The following CPAMD8 variants were observed in gnomAD, a reference collection of about 807,000 sequenced individuals.
The protein encoded by CPAMD8 is C3 and PZP like alpha-2-macroglobulin domain containing 8, also known as C3 and PZP-like alpha-2-macroglobulin domain-containing protein 8.
CPAMD8 carries 146 observed loss-of-function variants against 224.7 expected under a neutral mutation model. That is an observed-to-expected ratio of 0.65 (90% CI 0.57 to 0.75). CPAMD8 has a LOEUF of 0.75. CPAMD8 is among the 30% of genes least tolerant of loss of function. The probability of loss-of-function intolerance (pLI) is 0.00; values close to 1 mark genes in which losing one functional copy is unlikely to be tolerated. For synonymous variants in CPAMD8, 966 were observed against 1,044.6 expected (o/e 0.92, Z 1.45); for missense variants, 2,301 against 2,537.5 (o/e 0.91, Z 2.00).
At chr19:16,978,496 G>A (rs966486317) in intron 14 of CPAMD8, among the ~76,000 whole-genome samples, 2 of 152,182 alleles carry the variant, frequency 1.3e-5, no homozygotes, top group East Asian at 3.9e-4. Context: ...GGGTGAAGGT[G>A]CACCATGCCC....
rs566148878 is a variant in CPAMD8 at position 16,919,878 on chromosome 19, G to T, written c.3629+2027C>A. ...GCCTTATGGTAAGTAGTTAGGGGAG[G>T]TGCTAACAGGACGGCACTGCACTGA... On this transcript the variant is annotated intron_variant, in intron 27 of 41. Transcript: ENST00000443236. Among the ~76,000 whole-genome samples, 51 of 152,320 alleles carry T rather than the reference G, an allele frequency of 3.3e-4. 1 individual carries two copies. The highest frequency in any genetic ancestry group is 1.1e-3 in the African/African-American group (47 of 41,572).
At chr19:16,936,772 TA>T (rs2053697515) in intron 23 of CPAMD8, among the ~76,000 whole-genome samples, 2 of 152,220 alleles carry the variant, frequency 1.3e-5, no homozygotes, top group Admixed American at 1.3e-4. Flanking sequence ...TTATATATTC[TA>T]AAAACCAGTA....
At chr19:16,944,389 C>T (rs560425714) in intron 22 of CPAMD8, among the ~76,000 whole-genome samples, 6 of 152,308 alleles carry the variant, frequency 3.9e-5, no homozygotes, top group African/African-American at 1.2e-4. Flanking sequence ...GACAGTTCTG[C>T]GGCATGGATG....
chr19:16,946,162 G>GTGTGTGTGTATGATT (rs1173698448), intron 21 of CPAMD8, among the ~76,000 whole-genome samples: 1 of 125,622 alleles, frequency 8.0e-6, no homozygotes, highest in Non-Finnish European at 1.6e-5. Context: ...ATGTGGGCAT[G>GTGTGTGTGTATGATT]TGTGTGTGTA....
chr19:17,012,350 C>CTT (rs984597501), intron 3 of CPAMD8, among the ~76,000 whole-genome samples: 18 of 74,382 alleles, frequency 2.4e-4, no homozygotes, highest in African/African-American at 5.9e-4. Context: ...TTCTTTCTTT[C>CTT]TTTTTTTTTT....
intron 13 of CPAMD8, among the ~76,000 whole-genome samples, chr19:16,985,120 G>A (rs2055668072): frequency 6.6e-6 from 1 of 152,080 alleles, no homozygotes. Context: ...TATACATTAT[G>A]GTCAAGTATT....
chr19:17,015,045 C>T (rs2056774723), intron 3 of CPAMD8, among the ~76,000 whole-genome samples: 2 of 152,318 alleles, frequency 1.3e-5, no homozygotes, highest in African/African-American at 2.4e-5. Context: ...AGTTCGGGAC[C>T]AGCCTGGCCA....
intron 18 of CPAMD8, among the ~76,000 whole-genome samples, chr19:16,966,961 C>T (rs2054848379): frequency 6.6e-6 from 1 of 152,096 alleles, no homozygotes; most frequent in South Asian, 2.1e-4. Flanking sequence ...ACTAGAAATA[C>T]CATTTCACCC....
intron 12 of CPAMD8, among the ~76,000 whole-genome samples, chr19:16,991,390 T>C (rs1210098877): frequency 6.6e-6 from 1 of 151,926 alleles, no homozygotes; most frequent in Non-Finnish European, 1.5e-5. Context: ...GTGTCAGAAT[T>C]TAGGGTAGTC....
intron 20 of CPAMD8, among the ~76,000 whole-genome samples, chr19:16,948,112 C>T (rs890913749): frequency 1.3e-5 from 2 of 152,180 alleles, no homozygotes; most frequent in Admixed American, 6.5e-5. Context: ...TATGCAAGCA[C>T]GTTTGCAACC....
At chr19:16,934,945 C>CA (rs2053643027) in intron 23 of CPAMD8, among the ~76,000 whole-genome samples, 1 of 152,088 alleles carries the variant, frequency 6.6e-6, no homozygotes, top group South Asian at 2.1e-4. Flanking sequence ...TGTAACTCTG[C>CA]ACCCATTATT....
intron 27 of CPAMD8, among the ~76,000 whole-genome samples, chr19:16,915,599 T>C (rs1191034705): frequency 2.6e-5 from 4 of 152,104 alleles, no homozygotes; most frequent in Non-Finnish European, 5.9e-5. Flanking sequence ...GGTGCCACCC[T>C]GAGTAAGAGC....
intron 20 of CPAMD8, among the ~76,000 whole-genome samples, chr19:16,947,791 CAT>C (rs1333780087): frequency 6.6e-6 from 1 of 152,102 alleles, no homozygotes; most frequent in African/African-American, 2.4e-5. Flanking sequence ...CATGTACACA[CAT>C]GTGCATCTAC....
At chr19:16,927,564 C>T (rs1280128439) in intron 25 of CPAMD8, among the ~76,000 whole-genome samples, 1 of 152,190 alleles carries the variant, frequency 6.6e-6, no homozygotes, top group Non-Finnish European at 1.5e-5. Flanking sequence ...TACTCAGCAA[C>T]TGCTCCGGAC....
At position 16,988,798 on chromosome 19, in the gene CPAMD8, A is replaced by G. The variant is rs528756541; in HGVS notation, c.1395+845T>C. ...ACTGATTCATGGCCTGTTAGGAACC[A>G]GGTCACACAGCAGGAGGTGAGTAGT... On this transcript the variant is annotated intron_variant, in intron 13 of 41. Coordinates refer to ENST00000443236, the MANE Select transcript of CPAMD8 (RefSeq NM_015692.5). Among the ~76,000 whole-genome samples, 4 of 152,208 alleles carry G rather than the reference A, an allele frequency of 2.6e-5. No individual in the cohort carries two copies. In the South Asian group the frequency reaches 8.3e-4, roughly 32 times the overall value.
intron 13 of CPAMD8, among the ~76,000 whole-genome samples, chr19:16,984,904 C>T (rs1317882330): frequency 6.6e-6 from 1 of 152,196 alleles, no homozygotes; most frequent in Non-Finnish European, 1.5e-5. Flanking sequence ...CATGCACACT[C>T]ATGTGTAGTC....
chr19:16,897,661 T>G (rs555377890), intron 39 of CPAMD8, 30 bp downstream of exon 39: 9 of 1,260,484 alleles, frequency 7.1e-6, no homozygotes, highest in South Asian at 2.9e-5. Flanking sequence ...CAGGCCGCGG[T>G]GGGGGGCGGC....
Position 16,993,580 on chromosome 19 carries a change from G to T in CPAMD8, c.1102C>A (p.Leu368Ile), listed in dbSNP as rs768381700. 6.2e-7 allele frequency: 1 copy of T among 1,614,012 alleles called. No homozygotes were observed. The highest frequency in any genetic ancestry group is 1.1e-5 in the South Asian group (1 of 91,060). Residue 368 changes from leucine (L) to isoleucine (I), a missense_variant, in exon 12 of 42, where the codon CTA (leucine) becomes ATA (isoleucine). Leu to Ile is a conservative substitution (Grantham distance 5, BLOSUM62 2). Transcript: ENST00000443236. ...GCTGGGCTGCCATCGGGGTAGGATA[G>T]CTCCACCTAGAAAAGGTCACCCAAG... The part of the protein sequence containing the change: ...PGLAYVGKVE[L>I]SYPDGSPAEG...
chr19:17,007,657 C>T (rs2056530269), intron 7 of CPAMD8, among the ~76,000 whole-genome samples: 1 of 152,104 alleles, frequency 6.6e-6, no homozygotes, highest in East Asian at 1.9e-4. Flanking sequence ...TGGGTGTGTG[C>T]ATGGCCATCC....
Sources: allele counts gnomAD v4.1 joint callset (sites outside exome capture counted in the v4.1 genomes callset), GRCh38; gene constraint gnomAD v4.1.1; transcripts MANE v1.5; gene names NCBI Gene and HGNC (gene_info 2026-07-23, HGNC 2026-07-21).